The following MYOF variants were observed in gnomAD, a reference collection of about 807,000 sequenced individuals.
MYOF encodes the protein myoferlin.
In MYOF, 244 loss-of-function variants were observed where a neutral mutation model predicts 284.2. The ratio of observed to expected loss-of-function variants is 0.86; its 90% CI spans 0.77 to 0.95. The LOEUF is 0.95. Ranked by LOEUF, MYOF falls within the 40% of genes least tolerant of loss-of-function variation. MYOF has a pLI of 0.00. For synonymous variants in MYOF, 904 were observed against 919.7 expected (o/e 0.98, Z 0.31); for missense variants, 2,496 against 2,560.6 (o/e 0.97, Z 0.54).
intron 5 of MYOF, among the ~76,000 whole-genome samples, chr10:93,419,186 G>T (rs1589538025): frequency 1.3e-5 from 2 of 151,638 alleles, no homozygotes; most frequent in Non-Finnish European, 1.5e-5. Flanking sequence ...TTTTTGAGAC[G>T]GAGTATTGTT....
At chr10:93,376,986 A>C (rs1324277507) in intron 22 of MYOF, among the ~76,000 whole-genome samples, 1 of 152,172 alleles carries the variant, frequency 6.6e-6, no homozygotes, top group Non-Finnish European at 1.5e-5. Context: ...ACCCTTCTCC[A>C]GGGTGGGGGT....
At chr10:93,309,085 A>C (rs1842267079) in intron 53 of MYOF, among the ~76,000 whole-genome samples, 1 of 152,152 alleles carries the variant, frequency 6.6e-6, no homozygotes, top group African/African-American at 2.4e-5. Context: ...CACTGGCCCA[A>C]CTTCTGAGCA....
At chr10:93,334,466 G>C (rs943285519) in intron 41 of MYOF, among the ~76,000 whole-genome samples, 3 of 152,130 alleles carry the variant, frequency 2.0e-5, no homozygotes, top group Non-Finnish European at 2.9e-5. Context: ...CCTCTGCATT[G>C]AGATAATCTA....
chr10:93,336,127 G>T, intron 40 of MYOF, 81 bp from the exon 41 acceptor site: 1 of 1,507,574 alleles, frequency 6.6e-7, no homozygotes, highest in Admixed American at 2.0e-5. Flanking sequence ...AGTATCAAGT[G>T]GGCCTGAGGT....
intron 29 of MYOF, among the ~76,000 whole-genome samples, chr10:93,358,716 G>A (rs746582518): frequency 1.3e-5 from 2 of 152,094 alleles, no homozygotes; most frequent in East Asian, 1.9e-4. Context: ...ACCAAACACC[G>A]CATGTTCTCA....
chr10:93,423,602 G>T (rs901514669), intron 5 of MYOF, among the ~76,000 whole-genome samples: 3 of 149,296 alleles, frequency 2.0e-5, no homozygotes, highest in Non-Finnish European at 4.4e-5. Context: ...GGGAGGCCAA[G>T]GTGGGTGGAT....
chr10:93,372,324 C>G (rs925576987), intron 24 of MYOF, among the ~76,000 whole-genome samples: 4 of 152,152 alleles, frequency 2.6e-5, no homozygotes, highest in African/African-American at 9.7e-5. Flanking sequence ...GGCCCTGGAA[C>G]AGGCTTATGG....
intron 43 of MYOF, among the ~76,000 whole-genome samples, chr10:93,332,917 A>G (rs942233013): frequency 3.3e-5 from 5 of 152,198 alleles, no homozygotes; most frequent in Non-Finnish European, 7.3e-5. Context: ...TTATATAAAC[A>G]GCTCCGCAGA....
chr10:93,440,337 G>A (rs530878597), intron 3 of MYOF, among the ~76,000 whole-genome samples: 11 of 152,104 alleles, frequency 7.2e-5, no homozygotes, highest in South Asian at 2.1e-4. Context: ...ACTTGAACCC[G>A]GGAGGCAGAG....
chr10:93,312,998 C>G, intron 51 of MYOF, 22 bp downstream of exon 51: 1 of 1,579,136 alleles, frequency 6.3e-7, no homozygotes. Context: ...GATTTTCAAC[C>G]AGAACCAGGA....
intron 16 of MYOF, among the ~76,000 whole-genome samples, chr10:93,394,448 C>CTCTTT (rs1846871495): frequency 2.8e-4 from 8 of 28,684 alleles, no homozygotes; most frequent in Admixed American, 1.3e-3. Context: ...ACCATCTTGT[C>CTCTTT]TTTTTTTTTT....
rs145908975 is a variant in MYOF, at chr10:93,313,035, G to A, written c.5874C>T (p.Gly1958=). The A allele has an allele frequency of 2.5e-5, 40 of 1,609,482 alleles. No individual in the cohort carries two copies. The Admixed American group carries it at 3.9e-4, about 16-fold the overall frequency. ...GWWPCYAEKD[G]ARVMAGKVEM... is the part of the protein sequence containing the mutation. ...ATGTTCATACAGCCATTACGCGGGC[G>A]CCATCTTTCTCTGCGTAGCATGGCC... Residue 1958 remains glycine, a synonymous_variant, in exon 51 of 54, where the codon GGC becomes GGT. Transcript: ENST00000359263.
rs1487044466 is a variant in MYOF, at chr10:93,377,384, G to T, written c.2047C>A (p.Pro683Thr). 1 of 1,613,944 alleles carries T rather than the reference G, an allele frequency of 6.2e-7. No homozygotes were observed. The highest frequency in any genetic ancestry group is 1.3e-5 in the African/African-American group (1 of 74,994). ...CACAATTCAGCCAGCTGGTTTGCAG[G>T]AATTTTACCTTGTATCCCTGATTTT... is the stretch of plus-strand genomic sequence containing the variant. Reference protein sequence around the residue: ...ALKSGIQGKIPANQLAELWLK... With the variant: ...ALKSGIQGKITANQLAELWLK... The change falls in exon 22 of 54, where the codon CCT becomes ACT. Residue 683 changes from proline to threonine, a missense_variant. Physicochemically the swap from Pro to Thr is conservative, Grantham distance 38 (BLOSUM62 -1). Transcript: ENST00000359263.
Position 93,389,117 on chromosome 10 carries a change from C to T in MYOF, c.1494G>A (p.Thr498=), listed in dbSNP as rs763521179. The T allele has an allele frequency of 1.2e-5, 20 of 1,613,972 alleles. No individual in the cohort carries two copies. Among genetic ancestry groups the T allele is most frequent in the South Asian group, 9.9e-5 (9 of 91,064 alleles). ...AAAGATTCAGGTAACAAGGTCCAAACGTTGGAACAAAGCCTACCTCTGTTT... is the reference window on the plus strand; with the variant it reads ...AAAGATTCAGGTAACAAGGTCCAAATGTTGGAACAAAGCCTACCTCTGTTT... ...TGETEVGFVP[T]FGPCYLNLYG... Residue 498 remains threonine, a synonymous_variant, in exon 18 of 54, where the codon ACG becomes ACA. Transcript: ENST00000359263.
At chr10:93,317,744 T>G (rs787677) in intron 49 of MYOF, among the ~76,000 whole-genome samples, 131,664 of 152,232 alleles carry the variant, frequency 0.86, 57,002 homozygotes, top group East Asian at 0.92. Flanking sequence ...TAAGTGTCCT[T>G]CAAGTTCTTG....
chr10:93,454,043 G>A (rs79410379), intron 2 of MYOF, among the ~76,000 whole-genome samples: 6 of 152,088 alleles, frequency 3.9e-5, no homozygotes, highest in East Asian at 1.9e-4. Context: ...TTAGCCAGGC[G>A]TAGTGGCATA....
chr10:93,368,191 C>A (rs145961551), intron 25 of MYOF, among the ~76,000 whole-genome samples: 16 of 152,306 alleles, frequency 1.1e-4, no homozygotes, highest in African/African-American at 3.8e-4. Context: ...CACAATCCAG[C>A]TGGCTGGACA....
intron 30 of MYOF, among the ~76,000 whole-genome samples, chr10:93,356,083 A>G (rs1319269658): frequency 1.3e-5 from 2 of 152,176 alleles, no homozygotes; most frequent in Non-Finnish European, 2.9e-5. Context: ...GCAGCAGCAG[A>G]ATACTGTGGG....
chr10:93,357,754 A>G (rs571461992), intron 29 of MYOF, among the ~76,000 whole-genome samples: 1 of 152,360 alleles, frequency 6.6e-6, no homozygotes, highest in South Asian at 2.1e-4. Flanking sequence ...AAAATTTCAC[A>G]TAGCCAAGAG....
Sources: gnomAD v4.1 joint callset for allele counts (sites outside exome capture counted in the v4.1 genomes callset) on GRCh38, gnomAD v4.1.1 for gene constraint, MANE v1.5 for transcripts, NCBI Gene and HGNC (gene_info 2026-07-23, HGNC 2026-07-21) for gene names.